The following ZSCAN31 variants were observed in gnomAD, a reference collection of about 807,000 sequenced individuals.
The protein encoded by ZSCAN31 is zinc finger and SCAN domain-containing protein 31.
A neutral mutation model predicts 22.5 loss-of-function variants in ZSCAN31; 14 were observed. The observed-to-expected ratio is 0.62, with a 90% CI of 0.41 to 0.97. The LOEUF (loss-of-function observed/expected upper bound fraction) is 0.97, where lower values mean the gene tolerates loss of function less well. Among genes scored for constraint, ZSCAN31 ranks in the 50% least tolerant of loss-of-function variants. The pLI is 0.00. For synonymous variants in ZSCAN31, 168 were observed against 169.8 expected, an observed-to-expected ratio of 0.99 and a Z score of 0.08; for missense variants, 424 against 483.4, an observed-to-expected ratio of 0.88 and a Z score of 1.15.
intron 2 of ZSCAN31, among the ~76,000 whole-genome samples, chr6:28,343,232 T>C (rs1398045184): frequency 6.6e-6 from 1 of 152,178 alleles, no homozygotes. Flanking sequence ...GGGTTTATTA[T>C]AGAATTATTG....
chr6:28,343,538 C>CT (rs1764506598), intron 2 of ZSCAN31, among the ~76,000 whole-genome samples: 2 of 130,274 alleles, frequency 1.5e-5, no homozygotes, highest in Non-Finnish European at 1.6e-5. Context: ...TTTTTTTTTT[C>CT]TTTCTTTTTT....
In ZSCAN31 at chr6:28,329,313, G is replaced by GGCTC; in HGVS notation, c.367_370dup (p.Pro124ArgfsTer10). On this transcript the variant is annotated frameshift_variant, in exon 2 of 4. Coordinates refer to ENST00000344279, the MANE Select transcript of ZSCAN31 (RefSeq NM_030899.5). LOFTEE classifies it high-confidence loss of function. Reference sequence around the variant, plus strand: ...TCTTTCTCCTCTCACCTGGTTCCCTGGCTCACTAAGCTCTTGTTCCAGATC... The same window carrying GGCTC: ...TCTTTCTCCTCTCACCTGGTTCCCTGGCTCGCTCACTAAGCTCTTGTTCCAGATC... 6.3e-7 allele frequency: 1 copy of GGCTC among 1,577,920 alleles called. No homozygotes were observed. The highest frequency in any genetic ancestry group is 1.2e-5 in the South Asian group (1 of 85,400).
chr6:28,326,589 T>C lies in ZSCAN31; in HGVS notation c.798A>G (p.Pro266=), dbSNP rs1581658324. 1.9e-6 allele frequency: 3 copies of C among 1,614,146 alleles called. No homozygotes were observed. Among genetic ancestry groups the C allele is most frequent in the Non-Finnish European group, 2.5e-6 (3 of 1,180,006 alleles). The change falls in exon 4 of 4, where the codon CCA becomes CCG. Residue 266 remains proline (P), a synonymous_variant. Transcript: ENST00000344279. ...CCTTCCCACATTCTTCACATTCATA[T>C]GGCTTCTCCCCAGTGTGGATTCTCT... ...EHQRIHTGEK[P]YECEECGKAF...
Position 28,326,142 on chromosome 6 carries a change from A to G in ZSCAN31, c.*24T>C, listed in dbSNP as rs1763236944. 1.9e-6 allele frequency: 3 copies of G among 1,573,982 alleles called. No homozygotes were observed. Among genetic ancestry groups the G allele is most frequent in the Admixed American group, 1.8e-5 (1 of 56,908 alleles). On this transcript the variant is annotated 3_prime_UTR_variant, in exon 4 of 4. Transcript: ENST00000344279. ...CCTAATAAGGTTGCAATGATGACTGAAGGCTTTCCCAAACTCATCACCCTT... is the reference window on the plus strand; with the variant it reads ...CCTAATAAGGTTGCAATGATGACTGGAGGCTTTCCCAAACTCATCACCCTT...
In ZSCAN31 at chr6:28,329,543, G is replaced by T. The variant is rs745923636; in HGVS notation, c.141C>A (p.Tyr47Ter). The change falls in exon 2 of 4, where the codon TAC (tyrosine) becomes TAA (stop). Residue 47 changes from tyrosine to a stop codon, truncating the protein, a stop_gained. Transcript: ENST00000344279. LOFTEE classifies it high-confidence loss of function. ...ASRQLFRQFC[Y>*]QETPGPREAL... ...CTTCTCGGGGACCAGGAGTCTCTTG[G>T]TAACAAAACTGCCTAAAAAGTTGTC... 1.2e-6 allele frequency: 2 copies of T among 1,614,226 alleles called. No homozygotes were observed. Among genetic ancestry groups the T allele is most frequent in the Non-Finnish European group, 1.7e-6 (2 of 1,180,040 alleles).
At chr6:28,355,801 C>T (rs1765383767), upstream of ZSCAN31, 1 of 152,330 alleles carries the variant, frequency 6.6e-6, no homozygotes. Flanking sequence ...GCAAAGTGTT[C>T]CTGGCTCTCT....
chr6:28,326,098 C>T lies in ZSCAN31; in HGVS notation c.*68G>A. ...CAGAATTAGTCCAGTTCTGCTGGAA[C>T]AGTATGGATTCTAAAATGCCTAATA... On this transcript the variant is annotated 3_prime_UTR_variant, in exon 4 of 4. Coordinates refer to ENST00000344279, the MANE Select transcript of ZSCAN31 (RefSeq NM_030899.5). 7.1e-7 allele frequency: 1 copy of T among 1,412,862 alleles called. No individual in the cohort carries two copies. Among genetic ancestry groups the T allele is most frequent in the Non-Finnish European group, 9.6e-7 (1 of 1,037,818 alleles). The allele number at this position is 1,412,862 out of a possible 1,614,324, so 87.5% of individuals were successfully genotyped here. A position where few individuals can be genotyped will look rare whatever the true frequency, so the allele number is the denominator to read the frequency against.
In ZSCAN31 at chr6:28,329,484, C is replaced by G; in HGVS notation, c.200G>C (p.Trp67Ser). 1 of 1,614,156 alleles carries G rather than the reference C, an allele frequency of 6.2e-7. No homozygotes were observed. Among genetic ancestry groups the G allele is most frequent in the Non-Finnish European group, 8.5e-7 (1 of 1,180,028 alleles). Residue 67 changes from tryptophan to serine, a missense_variant, in exon 2 of 4, where the codon TGG becomes TCG. Transcript: ENST00000344279. ...LSRLRELCHQ[W>S]LRPEIHTKEQ... ...TTTGGTGTGGATTTCTGGCCTTAGC[C>G]ACTGATGACAGAGTTCTCGGAGCCG...
intron 2 of ZSCAN31, among the ~76,000 whole-genome samples, chr6:28,348,519 T>C (rs1369350623): frequency 6.6e-6 from 1 of 152,180 alleles, no homozygotes. Context: ...TGATTTGTAA[T>C]GCAATTTCCA....
At chr6:28,342,954 AAGG>A (rs1764474086) in intron 2 of ZSCAN31, among the ~76,000 whole-genome samples, 2 of 152,212 alleles carry the variant, frequency 1.3e-5, no homozygotes, top group South Asian at 4.1e-4. Context: ...ATATTGGAGA[AAGG>A]GGGAATATCC....
chr6:28,339,079 C>A (rs904520729), upstream of ZSCAN31, among the ~76,000 whole-genome samples: 5 of 152,152 alleles, frequency 3.3e-5, no homozygotes, highest in African/African-American at 9.7e-5. Flanking sequence ...ATTTAAATCT[C>A]TTTTCAATGT....
intron 1 of ZSCAN31, among the ~76,000 whole-genome samples, chr6:28,334,467 G>A (rs1026534184): frequency 7.2e-5 from 11 of 152,198 alleles, no homozygotes; most frequent in African/African-American, 2.2e-4. Flanking sequence ...TTTCATTCAC[G>A]TCAGCATAAT....
intron 2 of ZSCAN31, among the ~76,000 whole-genome samples, chr6:28,342,155 T>C (rs1445709483): frequency 6.6e-6 from 1 of 152,138 alleles, no homozygotes; most frequent in Non-Finnish European, 1.5e-5. Flanking sequence ...GGATCAGGCC[T>C]GGGGCTCACC....
rs996290899 is a variant in ZSCAN31 at position 28,325,104 on chromosome 6, C to T, written c.*1062G>A. On this transcript the variant is annotated 3_prime_UTR_variant, in exon 4 of 4. Transcript: ENST00000344279. ...CACAAATGGGGAGGAAAGATTTGAA[C>T]TTGGTGCCAGAGCATATGTTTAACC... 3 of 152,174 alleles carry T rather than the reference C, an allele frequency of 2.0e-5. No homozygotes were observed. The highest frequency in any genetic ancestry group is 4.4e-5 in the Non-Finnish European group (3 of 68,030). The allele number at this position is 152,174 out of a possible 1,614,324, so 9.4% of individuals were successfully genotyped here.
chr6:28,336,420 G>C (rs1056151598), upstream of ZSCAN31: 1 of 152,234 alleles, frequency 6.6e-6, no homozygotes, highest in African/African-American at 2.4e-5. Flanking sequence ...TAGAGAGCGA[G>C]TAACAGGAGG....
At chr6:28,332,310 T>G (rs1345982988) in intron 1 of ZSCAN31, 1 of 152,272 alleles carries the variant, frequency 6.6e-6, no homozygotes, top group Non-Finnish European at 1.5e-5. Context: ...GCATCTTCAA[T>G]GTTTTGTTTA....
At chr6:28,326,901 A>G (rs760279992) in intron 3 of ZSCAN31, 47 bp from the exon 4 acceptor site, 1 of 1,456,760 alleles carries the variant, frequency 6.9e-7, no homozygotes, top group South Asian at 1.2e-5. Context: ...TCCTTTATGA[A>G]AGAATACAAT....
intron 2 of ZSCAN31, chr6:28,353,742 T>C: frequency 2.3e-6 from 1 of 439,708 alleles, no homozygotes; most frequent in South Asian, 1.6e-5. Context: ...AAGATAGTTC[T>C]GGGGAAGACT....
chr6:28,328,953 C>T (rs1763524925), intron 2 of ZSCAN31, among the ~76,000 whole-genome samples: 2 of 152,188 alleles, frequency 1.3e-5, no homozygotes, highest in African/African-American at 4.8e-5. Context: ...TTTCCTTTCT[C>T]TCTCTTTCTC....
Sources: gnomAD v4.1 joint callset for allele counts (sites outside exome capture counted in the v4.1 genomes callset) on GRCh38, gnomAD v4.1.1 for gene constraint, MANE v1.5 for transcripts, NCBI Gene and HGNC (gene_info 2026-07-23, HGNC 2026-07-21) for gene names.